The following DLGAP2 variants were observed in gnomAD, a reference collection of about 807,000 sequenced individuals.
DLGAP2 encodes DLG associated protein 2.
DLGAP2 carries 26 observed loss-of-function variants against 100.3 expected under a neutral mutation model. The ratio of observed to expected loss-of-function variants is 0.26; its 90% confidence interval spans 0.19 to 0.36. The LOEUF is 0.36. DLGAP2 is among the 10% of genes least tolerant of loss of function. The probability of loss-of-function intolerance (pLI) is 1.00; values close to 1 mark genes in which losing one functional copy is unlikely to be tolerated. For synonymous variants in DLGAP2, 886 were observed against 630.1 expected, an observed-to-expected ratio of 1.41 and a Z score of -6.08; for missense variants, 1,858 against 1,453.2, an observed-to-expected ratio of 1.28 and a Z score of -4.53.
At chr8:989,422 T>G (rs1406149524) in intron 2 of DLGAP2, among the ~76,000 whole-genome samples, 1 of 152,172 alleles carries the variant, frequency 6.6e-6, no homozygotes, top group Admixed American at 6.5e-5. Flanking sequence ...GCCGCACTTG[T>G]GTTTTTGGCC....
chr8:1,485,288 C>G (rs186382528), intron 3 of DLGAP2, among the ~76,000 whole-genome samples: 12 of 152,300 alleles, frequency 7.9e-5, no homozygotes, highest in Non-Finnish European at 1.2e-4. Context: ...TAAAATGCAG[C>G]TAATGAATTG....
intron 4 of DLGAP2, among the ~76,000 whole-genome samples, chr8:1,524,750 C>T (rs1017008189): frequency 5.9e-5 from 9 of 152,102 alleles, no homozygotes; most frequent in African/African-American, 2.2e-4. Context: ...GTCATCGGAC[C>T]AGCTTACAGT....
intron 2 of DLGAP2, among the ~76,000 whole-genome samples, chr8:1,186,608 C>G (rs942014332): frequency 3.9e-5 from 6 of 152,104 alleles, no homozygotes; most frequent in African/African-American, 1.4e-4. Context: ...GGTGCGGTGT[C>G]TTCTGAGCTG....
intron 6 of DLGAP2, among the ~76,000 whole-genome samples, chr8:1,577,047 G>A (rs973042055): frequency 1.3e-5 from 2 of 152,180 alleles, no homozygotes; most frequent in African/African-American, 4.8e-5. Flanking sequence ...ACCGAGACAG[G>A]AGGATATTCT....
intron 6 of DLGAP2, among the ~76,000 whole-genome samples, chr8:1,601,315 G>C (rs890849444): frequency 2.6e-5 from 4 of 152,196 alleles, no homozygotes; most frequent in African/African-American, 9.7e-5. Flanking sequence ...GTTGATCCCT[G>C]CTGGGAGATG....
chr8:1,470,775 A>AC (rs1563168449), intron 3 of DLGAP2, among the ~76,000 whole-genome samples: 1 of 76,020 alleles, frequency 1.3e-5, no homozygotes, highest in Non-Finnish European at 3.2e-5. Flanking sequence ...GCCTTTCCCG[A>AC]CTCCCCCAGC....
chr8:767,798 G>A (rs559005553), intron 1 of DLGAP2, among the ~76,000 whole-genome samples: 2 of 152,302 alleles, frequency 1.3e-5, no homozygotes, highest in South Asian at 2.1e-4. Context: ...AGCACTCTTG[G>A]TAAGTGGTTT....
intron 3 of DLGAP2, among the ~76,000 whole-genome samples, chr8:1,433,277 C>G (rs1797512194): frequency 6.6e-6 from 1 of 152,224 alleles, no homozygotes; most frequent in Non-Finnish European, 1.5e-5. Flanking sequence ...CAGCTCTCTG[C>G]TCTACATGTT....
chr8:1,623,567 CGTGATGACCTGACACCAGTGT>C (rs1563263544), intron 6 of DLGAP2, among the ~76,000 whole-genome samples: 1 of 147,536 alleles, frequency 6.8e-6, no homozygotes. Context: ...GGCACCAGTG[CGTGATGACCTGACACCAGTGT>C]GTGATGACCT....
chr8:1,206,458 T>G (rs796895148), intron 2 of DLGAP2, among the ~76,000 whole-genome samples: 43 of 85,800 alleles, frequency 5.0e-4, no homozygotes, highest in African/African-American at 1.0e-3. Context: ...TGGGGTAGAC[T>G]GTGAGTGGTT....
chr8:1,156,604 T>TAGCGTCCCAGCCC (rs1796793227), intron 2 of DLGAP2, among the ~76,000 whole-genome samples: 1 of 22,630 alleles, frequency 4.4e-5, no homozygotes, highest in African/African-American at 1.5e-4. Context: ...CGCCCCAGCC[T>TAGCGTCCCAGCCC]AGCGTCCCAG....
chr8:1,273,364 G>T (rs7846280), intron 3 of DLGAP2, among the ~76,000 whole-genome samples: 4 of 152,064 alleles, frequency 2.6e-5, no homozygotes, highest in Admixed American at 2.6e-4. Flanking sequence ...TTGGGAGCAT[G>T]AGGCACAGCT....
In DLGAP2 at chr8:930,027, C is replaced by T. The variant is rs375390515; in HGVS notation, c.73+22061C>T. Among the ~76,000 whole-genome samples the T allele has an allele frequency of 3.3e-5, 5 of 152,178 alleles. No homozygotes were observed. In the East Asian group the frequency reaches 5.8e-4, roughly 18 times the overall value. ...GGAGGAGTGAGTTGGTGCACCTGCT[C>T]ATCCTGATTCATGATTTTCTTGTGC... is the stretch of plus-strand genomic sequence containing the variant. On this transcript the variant is annotated intron_variant, in intron 2 of 14. Transcript: ENST00000637795.
chr8:1,143,150 G>A (rs925394748), intron 2 of DLGAP2, among the ~76,000 whole-genome samples: 1 of 152,146 alleles, frequency 6.6e-6, no homozygotes, highest in African/African-American at 2.4e-5. Flanking sequence ...TAAATTGGGG[G>A]AAACAGTCTC....
chr8:1,091,758 C>G (rs1338767597), intron 2 of DLGAP2, among the ~76,000 whole-genome samples: 1 of 152,146 alleles, frequency 6.6e-6, no homozygotes, highest in Admixed American at 6.5e-5. Context: ...AGCTCTGGCC[C>G]TGAGTCTCCT....
rs565245264 is a variant in DLGAP2, at chr8:845,405, C to T, written c.19-62507C>T. On this transcript the variant is annotated intron_variant, in intron 1 of 14. Coordinates refer to ENST00000637795, the MANE Select transcript of DLGAP2 (RefSeq NM_001346810.2). Reference sequence around the variant, plus strand: ...GTTGTGGTTATGATTTGCATTTCTCCAATGGCTAATGATGTTGAACATCTT... The same window carrying T: ...GTTGTGGTTATGATTTGCATTTCTCTAATGGCTAATGATGTTGAACATCTT... Among the ~76,000 whole-genome samples the T allele has an allele frequency of 2.0e-5, 3 of 152,298 alleles. No individual in the cohort carries two copies. In the South Asian group the frequency reaches 6.2e-4, roughly 32 times the overall value.
At chr8:1,243,403 C>G (rs1365439809) in intron 2 of DLGAP2, among the ~76,000 whole-genome samples, 1 of 152,192 alleles carries the variant, frequency 6.6e-6, no homozygotes, top group Non-Finnish European at 1.5e-5. Flanking sequence ...GGTCATTCCT[C>G]CTGCGCAGCT....
At chr8:1,222,148 G>C (rs1798326579) in intron 2 of DLGAP2, among the ~76,000 whole-genome samples, 2 of 152,194 alleles carry the variant, frequency 1.3e-5, no homozygotes, top group African/African-American at 4.8e-5. Flanking sequence ...GTTGTAAGAA[G>C]ACACACTGGC....
intron 12 of DLGAP2, among the ~76,000 whole-genome samples, chr8:1,689,188 C>T (rs1799189012): frequency 6.6e-6 from 1 of 152,234 alleles, no homozygotes; most frequent in Non-Finnish European, 1.5e-5. Flanking sequence ...TAGGCTTCCA[C>T]AGTCAGGTGT....
Sources: allele counts gnomAD v4.1 joint callset (sites outside exome capture counted in the v4.1 genomes callset), GRCh38; gene constraint gnomAD v4.1.1; transcripts MANE v1.5; gene names NCBI Gene and HGNC (gene_info 2026-07-23, HGNC 2026-07-21).